Variants in CATSPERT observed in about 807,000 individuals in gnomAD.
The protein encoded by CATSPERT is catsper channel auxiliary subunit tau.
the CATSPERT span, among the ~76,000 whole-genome samples, chr2:201,564,567 TC>T: frequency 6.6e-6 from 1 of 152,194 alleles, no homozygotes; most frequent in Non-Finnish European, 1.5e-5. Context: ...GAAATCCTAA[TC>T]CCTTATGTGA....
At chr2:201,618,784 G>T in the CATSPERT span, 2 of 762,762 alleles carry the variant, frequency 2.6e-6, no homozygotes, top group Non-Finnish European at 4.2e-6. Context: ...TTCAATGTGT[G>T]CCAATTGAAG....
the CATSPERT span, among the ~76,000 whole-genome samples, chr2:201,552,224 C>T: frequency 6.7e-6 from 1 of 148,402 alleles, no homozygotes; most frequent in Non-Finnish European, 1.5e-5. Flanking sequence ...ACTCAGGGAT[C>T]CTCTCCTCCC....
chr2:201,575,358 A>T, the CATSPERT span: 5 of 1,539,476 alleles, frequency 3.2e-6, no homozygotes, highest in East Asian at 9.7e-5. Flanking sequence ...TTAAATATAG[A>T]ATTACCCATG....
At chr2:201,549,987 T>A in the CATSPERT span, 1 of 152,172 alleles carries the variant, frequency 6.6e-6, no homozygotes, top group Non-Finnish European at 1.5e-5. Context: ...TTGATTCTTA[T>A]ATAATCCCTA....
At chr2:201,560,869 G>A in the CATSPERT span, among the ~76,000 whole-genome samples, 1 of 151,202 alleles carries the variant, frequency 6.6e-6, no homozygotes, top group African/African-American at 2.4e-5. Context: ...TGCAACCTCT[G>A]CCTCCCAGGT....
the CATSPERT span, among the ~76,000 whole-genome samples, chr2:201,551,831 C>T: frequency 5.9e-5 from 9 of 151,690 alleles, no homozygotes; most frequent in Admixed American, 1.3e-4. Flanking sequence ...TCGCTTTAAC[C>T]CGGGAGCCGG....
the CATSPERT span, among the ~76,000 whole-genome samples, chr2:201,498,248 C>A: frequency 6.8e-4 from 103 of 152,256 alleles, 4 homozygotes; most frequent in East Asian, 0.02. Flanking sequence ...GTTCAAAAGA[C>A]TCAAAACCAG....
the CATSPERT span, among the ~76,000 whole-genome samples, chr2:201,528,173 C>T: frequency 6.6e-6 from 1 of 151,980 alleles, no homozygotes; most frequent in Non-Finnish European, 1.5e-5. Context: ...CAACATTACT[C>T]ATCATCAGAG....
chr2:201,540,293 T>A, the CATSPERT span, among the ~76,000 whole-genome samples: 1 of 152,238 alleles, frequency 6.6e-6, no homozygotes, highest in Admixed American at 6.5e-5. Flanking sequence ...TAAAAGTGAC[T>A]ACACTAAATA....
chr2:201,496,291 C>A, the CATSPERT span, among the ~76,000 whole-genome samples: 1 of 151,976 alleles, frequency 6.6e-6, no homozygotes, highest in African/African-American at 2.4e-5. Context: ...CTGTGAGATG[C>A]CTTTACACAA....
chr2:201,494,144 T>C, the CATSPERT span: 1 of 1,532,894 alleles, frequency 6.5e-7, no homozygotes, highest in Non-Finnish European at 8.7e-7. Context: ...AGCCAGTTGT[T>C]TAAATCTTGT....
At chr2:201,530,861 T>C in the CATSPERT span, among the ~76,000 whole-genome samples, 2 of 152,148 alleles carry the variant, frequency 1.3e-5, no homozygotes, top group Non-Finnish European at 2.9e-5. Flanking sequence ...ACTATGTGAT[T>C]GATTTAATTA....
the CATSPERT span, among the ~76,000 whole-genome samples, chr2:201,562,930 C>T: frequency 6.7e-6 from 1 of 148,554 alleles, no homozygotes; most frequent in African/African-American, 2.5e-5. Context: ...TACACAGACA[C>T]CGCAACCATC....
chr2:201,618,678 T>C, the CATSPERT span, among the ~76,000 whole-genome samples: 6 of 150,626 alleles, frequency 4.0e-5, no homozygotes, highest in African/African-American at 1.5e-4. Flanking sequence ...CTGCACGTTG[T>C]GCACATGTAC....
the CATSPERT span, chr2:201,535,314 A>G: frequency 2.0e-6 from 2 of 984,664 alleles, no homozygotes; most frequent in Non-Finnish European, 1.2e-6. Flanking sequence ...CTTCTGACCT[A>G]TATATCTTTT....
the CATSPERT span, among the ~76,000 whole-genome samples, chr2:201,575,681 C>A: frequency 6.6e-6 from 1 of 152,176 alleles, no homozygotes; most frequent in Non-Finnish European, 1.5e-5. Flanking sequence ...TGCCTCCCAT[C>A]GTCCCCAGAT....
chr2:201,511,845 TAAAAAAAAAAAAA>T, the CATSPERT span: 1 of 86,628 alleles, frequency 1.2e-5, no homozygotes, highest in Non-Finnish European at 2.2e-5. Flanking sequence ...CTTGGCTCAT[TAAAAAAAAAAAAA>T]AAAAAAAAAA....
chr2:201,602,507 C>T, the CATSPERT span, among the ~76,000 whole-genome samples: 3 of 152,048 alleles, frequency 2.0e-5, no homozygotes, highest in East Asian at 5.8e-4. Context: ...AAGCACTCAG[C>T]TTGTTTAAAA....
chr2:201,608,470 T>A, the CATSPERT span, among the ~76,000 whole-genome samples: 1 of 152,046 alleles, frequency 6.6e-6, no homozygotes, highest in Non-Finnish European at 1.5e-5. Context: ...TGCATGTTTT[T>A]AAAAAAATCA....
Sources: gnomAD v4.1 joint callset for allele counts (sites outside exome capture counted in the v4.1 genomes callset) on GRCh38, gnomAD v4.1.1 for gene constraint, MANE v1.5 for transcripts, NCBI Gene and HGNC (gene_info 2026-07-23, HGNC 2026-07-21) for gene names.